Variants in ARID1B observed in about 807,000 individuals in gnomAD.
ARID1B encodes AT-rich interactive domain-containing protein 1B.
In ARID1B, 30 loss-of-function variants were observed where a neutral mutation model predicts 212.3. The observed-to-expected ratio is 0.14, with a 90% CI of 0.11 to 0.19. The LOEUF (loss-of-function observed/expected upper bound fraction) is 0.19, where lower values mean the gene tolerates loss of function less well. Among genes scored for constraint, ARID1B ranks in the 10% least tolerant of loss-of-function variants. The pLI is 1.00. For synonymous variants in ARID1B, 1,402 were observed against 1,301.7 expected (o/e 1.08, Z -1.66); for missense variants, 2,891 against 3,204.0 (o/e 0.90, Z 2.36).
At chr6:156,802,279 C>T (rs1223508499) in intron 1 of ARID1B, among the ~76,000 whole-genome samples, 1 of 152,148 alleles carries the variant, frequency 6.6e-6, no homozygotes, top group African/African-American at 2.4e-5. Context: ...TTCACATCAT[C>T]ATTAGATGAA....
chr6:156,850,719 A>C (rs755201938), intron 2 of ARID1B, among the ~76,000 whole-genome samples: 1 of 152,196 alleles, frequency 6.6e-6, no homozygotes, highest in Non-Finnish European at 1.5e-5. Context: ...TGTCTATTTA[A>C]ATTTTACTAA....
chr6:156,879,273 C>G (rs1026168905), intron 2 of ARID1B, among the ~76,000 whole-genome samples: 4 of 152,258 alleles, frequency 2.6e-5, no homozygotes, highest in Admixed American at 2.6e-4. Flanking sequence ...GAACATCTCT[C>G]TGGTTGACTG....
intron 2 of ARID1B, among the ~76,000 whole-genome samples, chr6:156,856,444 CA>C: frequency 6.6e-6 from 1 of 152,146 alleles, no homozygotes; most frequent in Non-Finnish European, 1.5e-5. Context: ...CCTATTAACT[CA>C]TTTTACAGAT....
At chr6:156,808,525 A>G (rs1465145877) in intron 1 of ARID1B, among the ~76,000 whole-genome samples, 2 of 152,198 alleles carry the variant, frequency 1.3e-5, no homozygotes, top group African/African-American at 2.4e-5. Context: ...AATGCTTGTA[A>G]TTCTCTTACA....
At chr6:157,173,598 A>C (rs1018232547) in intron 9 of ARID1B, 2 of 154,846 alleles carry the variant, frequency 1.3e-5, no homozygotes, top group African/African-American at 4.8e-5. Flanking sequence ...TATGAAATTG[A>C]GAAGGCACTA....
intron 1 of ARID1B, among the ~76,000 whole-genome samples, chr6:156,827,501 G>C (rs1170939953): frequency 3.3e-5 from 5 of 152,216 alleles, no homozygotes. Flanking sequence ...GAGCAGTCCT[G>C]TGTTCATCTG....
intron 4 of ARID1B, among the ~76,000 whole-genome samples, chr6:157,035,706 T>A (rs1248066822): frequency 6.6e-6 from 1 of 152,236 alleles, no homozygotes; most frequent in Non-Finnish European, 1.5e-5. Flanking sequence ...GCTGCTCATC[T>A]CCATCCCTAA....
intron 1 of ARID1B, among the ~76,000 whole-genome samples, chr6:156,792,313 C>A (rs930459739): frequency 1.1e-4 from 16 of 152,262 alleles, no homozygotes; most frequent in Admixed American, 9.8e-4. Flanking sequence ...TTTTAAAAAA[C>A]CATGCAAGGC....
chr6:157,088,333 C>T (rs1785076537), intron 5 of ARID1B, among the ~76,000 whole-genome samples: 2 of 152,290 alleles, frequency 1.3e-5, no homozygotes, highest in African/African-American at 2.4e-5. Context: ...TCTTTGTTCC[C>T]ACAGCTAAGC....
chr6:156,990,339 A>C (rs566148063), intron 4 of ARID1B, among the ~76,000 whole-genome samples: 1 of 151,990 alleles, frequency 6.6e-6, no homozygotes, highest in South Asian at 2.1e-4. Context: ...CACCGGGCTA[A>C]TTTTTCAAAA....
chr6:157,190,003 G>C lies in ARID1B; in HGVS notation c.4059-35G>C. Reference sequence around the variant, plus strand: ...GTACTGTTTGGAGGTAACTCCTGCTGTATCATTAAGCTTTCATTCTTTGCC... The same window carrying C: ...GTACTGTTTGGAGGTAACTCCTGCTCTATCATTAAGCTTTCATTCTTTGCC... On this transcript the variant is annotated intron_variant, in intron 14 of 19. Transcript: ENST00000636930. This position sits in a 1 kb window ranked among gnomAD's most constrained non-coding sequence, Gnocchi z 4.6. 6.2e-7 allele frequency: 1 copy of C among 1,608,720 alleles called. No homozygotes were observed. Among genetic ancestry groups the C allele is most frequent in the Non-Finnish European group, 8.5e-7 (1 of 1,177,124 alleles).
intron 2 of ARID1B, among the ~76,000 whole-genome samples, chr6:156,897,817 A>G (rs186798981): frequency 6.6e-6 from 1 of 152,248 alleles, no homozygotes; most frequent in East Asian, 1.9e-4. Flanking sequence ...CACGTGTGTC[A>G]GATTTGGGTA....
At chr6:157,024,095 C>T (rs1780499260) in intron 4 of ARID1B, 1 of 152,214 alleles carries the variant, frequency 6.6e-6, no homozygotes, top group South Asian at 2.1e-4. Flanking sequence ...ACTTGAAGGC[C>T]TCTTTGTGGA....
At chr6:157,006,391 A>G (rs1398056854) in intron 4 of ARID1B, among the ~76,000 whole-genome samples, 2 of 152,196 alleles carry the variant, frequency 1.3e-5, no homozygotes, top group Non-Finnish European at 2.9e-5. Flanking sequence ...CATTCTGAAG[A>G]GAGAAATTAT....
At chr6:157,102,572 G>A (rs1786128371) in intron 5 of ARID1B, among the ~76,000 whole-genome samples, 1 of 146,168 alleles carries the variant, frequency 6.8e-6, no homozygotes, top group African/African-American at 2.5e-5. Context: ...ATCTGTATTG[G>A]CTTTTTCAGC....
intron 4 of ARID1B, among the ~76,000 whole-genome samples, chr6:156,996,585 A>G (rs1050234081): frequency 2.6e-5 from 4 of 152,218 alleles, no homozygotes; most frequent in Non-Finnish European, 5.9e-5. Flanking sequence ...CAAAATATGT[A>G]AAAGTATTTT....
intron 2 of ARID1B, among the ~76,000 whole-genome samples, chr6:156,865,667 TTTAAC>T (rs1355529347): frequency 1.9e-4 from 29 of 152,246 alleles, no homozygotes; most frequent in South Asian, 8.3e-4. Flanking sequence ...ATACTAGACT[TTTAAC>T]TTTATCTCTT....
intron 7 of ARID1B, among the ~76,000 whole-genome samples, chr6:157,143,000 A>C (rs2128615055): frequency 6.6e-6 from 1 of 152,326 alleles, no homozygotes; most frequent in East Asian, 1.9e-4. Flanking sequence ...TCAACTTTAA[A>C]TATTCTGGAG....
At chr6:156,900,900 C>G (rs1788871808) in intron 2 of ARID1B, among the ~76,000 whole-genome samples, 1 of 152,134 alleles carries the variant, frequency 6.6e-6, no homozygotes, top group Non-Finnish European at 1.5e-5. Context: ...GCTGTAAATG[C>G]CGTTGGTATA....
Sources: gnomAD v4.1 joint callset for allele counts (sites outside exome capture counted in the v4.1 genomes callset) on GRCh38, gnomAD v4.1.1 for gene constraint, Gnocchi (gnomAD v3.1) non-coding constraint, MANE v1.5 for transcripts, NCBI Gene and HGNC (gene_info 2026-07-23, HGNC 2026-07-21) for gene names.